MAGI3: variants seen among roughly 807,000 people sequenced by gnomAD.
MAGI3 encodes membrane associated guanylate kinase, WW and PDZ domain containing 3, also known as membrane-associated guanylate kinase, WW and PDZ domain-containing protein 3.
A neutral mutation model predicts 121.8 loss-of-function variants in MAGI3; 43 were observed. The ratio of observed to expected loss-of-function variants is 0.35; its 90% CI spans 0.28 to 0.46. The LOEUF (loss-of-function observed/expected upper bound fraction) is 0.46. Ranked by LOEUF, MAGI3 falls within the 20% of genes least tolerant of loss-of-function variation. The probability of loss-of-function intolerance (pLI) is 1.00; values close to 1 mark genes in which losing one functional copy is unlikely to be tolerated. For synonymous variants in MAGI3, 553 were observed against 639.3 expected (o/e 0.86, Z 2.04); for missense variants, 1,547 against 1,797.3 (o/e 0.86, Z 2.52).
chr1:113,529,048 T>C lies in MAGI3; in HGVS notation c.317-20467T>C, dbSNP rs369728772. ...ATTTAGTTTTATTCTCTTGAATTTA[T>C]AAAACTTTTGTTGGTTCAGAAGTCA... On this transcript the variant is annotated intron_variant, in intron 1 of 20. Coordinates refer to ENST00000307546, the MANE Select transcript of MAGI3 (RefSeq NM_001142782.2). 4.6e-5 allele frequency among the ~76,000 whole-genome samples: 7 copies of C among 152,360 alleles called. No individual in the cohort carries two copies. In the East Asian group the frequency reaches 1.4e-3, roughly 29 times the overall value.
intron 15 of MAGI3, among the ~76,000 whole-genome samples, chr1:113,657,936 A>G (rs528912598): frequency 2.0e-5 from 3 of 152,218 alleles, no homozygotes; most frequent in Non-Finnish European, 4.4e-5. Flanking sequence ...CATCATCAAG[A>G]ATAACTTTTC....
chr1:113,482,524 G>A (rs1656160350), intron 1 of MAGI3, among the ~76,000 whole-genome samples: 1 of 151,464 alleles, frequency 6.6e-6, no homozygotes, highest in South Asian at 2.1e-4. Context: ...TTTCATAGAG[G>A]CGAGGTCTCA....
chr1:113,416,988 C>T (rs191013061), intron 1 of MAGI3, among the ~76,000 whole-genome samples: 39 of 152,108 alleles, frequency 2.6e-4, no homozygotes, highest in African/African-American at 9.2e-4. Flanking sequence ...TCACCTTTGA[C>T]TAATTGTCAT....
In MAGI3 at chr1:113,422,819, C is replaced by A. The variant is rs1430978127; in HGVS notation, c.316+31470C>A. Among the ~76,000 whole-genome samples, 1 of 152,212 alleles carries A rather than the reference C, an allele frequency of 6.6e-6. No homozygotes were observed. The highest frequency in any genetic ancestry group is 2.4e-5 in the African/African-American group (1 of 41,450). On this transcript the variant is annotated intron_variant, in intron 1 of 20. Coordinates refer to ENST00000307546, the MANE Select transcript of MAGI3 (RefSeq NM_001142782.2). The surrounding 1 kb of genome is among the most constrained non-coding windows in gnomAD (Gnocchi z 4.3). ...CCAATTGTGTTATAGCTCTTTCAGTCTCACTACCCAGCTCTGGCTTGCAGC... is the reference window on the plus strand; with the variant it reads ...CCAATTGTGTTATAGCTCTTTCAGTATCACTACCCAGCTCTGGCTTGCAGC...
intron 1 of MAGI3, among the ~76,000 whole-genome samples, chr1:113,454,669 C>G (rs1232235705): frequency 6.6e-6 from 1 of 152,026 alleles, no homozygotes; most frequent in Non-Finnish European, 1.5e-5. Flanking sequence ...CGACAGGCCC[C>G]GGTGTATGAT....
intron 1 of MAGI3, among the ~76,000 whole-genome samples, chr1:113,418,631 G>C (rs1484977743): frequency 6.6e-6 from 1 of 151,968 alleles, no homozygotes; most frequent in Non-Finnish European, 1.5e-5. Context: ...TCTTACACAA[G>C]ATGGAAAGCA....
intron 1 of MAGI3, among the ~76,000 whole-genome samples, chr1:113,466,614 C>T (rs2101530097): frequency 6.6e-6 from 1 of 152,134 alleles, no homozygotes; most frequent in African/African-American, 2.4e-5. Flanking sequence ...CCACACTTTT[C>T]TTTGATGGGA....
Position 113,472,761 on chromosome 1 carries a change from T to C in MAGI3, c.317-76754T>C, listed in dbSNP as rs553412498. 6.6e-5 allele frequency among the ~76,000 whole-genome samples: 10 copies of C among 151,568 alleles called. No homozygotes were observed. In the South Asian group the frequency reaches 1.0e-3, roughly 16 times the overall value. ...GTGTGTGTGTGTGTGTGTGTGTGTATTTACCATGAGGCTTACTGAATACAT... is the reference window on the plus strand; with the variant it reads ...GTGTGTGTGTGTGTGTGTGTGTGTACTTACCATGAGGCTTACTGAATACAT... On this transcript the variant is annotated intron_variant, in intron 1 of 20. Transcript: ENST00000307546.
chr1:113,419,837 G>T (rs769548403), intron 1 of MAGI3, among the ~76,000 whole-genome samples: 5 of 152,138 alleles, frequency 3.3e-5, no homozygotes, highest in African/African-American at 1.2e-4. Context: ...CGCTAGGGAA[G>T]AATCCATTTT....
chr1:113,600,018 A>G (rs968847458), intron 6 of MAGI3, among the ~76,000 whole-genome samples: 1 of 152,260 alleles, frequency 6.6e-6, no homozygotes, highest in African/African-American at 2.4e-5. Flanking sequence ...AAAAAATTCA[A>G]CAGCCCTTCA....
At chr1:113,673,860 T>C (rs1037549414) in intron 19 of MAGI3, among the ~76,000 whole-genome samples, 1 of 152,078 alleles carries the variant, frequency 6.6e-6, no homozygotes, top group Non-Finnish European at 1.5e-5. Context: ...AGGCCCAGGA[T>C]TTTTTTTCCC....
intron 1 of MAGI3, among the ~76,000 whole-genome samples, chr1:113,511,088 A>G (rs1657593330): frequency 1.3e-5 from 2 of 152,200 alleles, no homozygotes; most frequent in Admixed American, 6.5e-5. Context: ...GTGGTAGGTG[A>G]CATGCCTTTA....
Position 113,514,073 on chromosome 1 carries a change from AG to A in MAGI3, c.317-35441del, listed in dbSNP as rs1286096097. On this transcript the variant is annotated intron_variant, in intron 1 of 20. Coordinates refer to ENST00000307546, the MANE Select transcript of MAGI3 (RefSeq NM_001142782.2). The stretch of plus-strand genomic sequence containing the variant: ...AGAAATGCAAATCAAAACCACAATG[AG>A]ATACCATCTCACACCAGTTAGAATG... 5.9e-5 allele frequency among the ~76,000 whole-genome samples: 9 copies of A among 152,234 alleles called. No individual in the cohort carries two copies. In the South Asian group the frequency reaches 1.7e-3, roughly 28 times the overall value.
chr1:113,472,666 GTGTGTGTGTGTGTA>G lies in MAGI3; in HGVS notation c.317-76833_317-76820del, dbSNP rs978520629. ...GTTATTGTGTATCTACTACAGGTGT[GTGTGTGTGTGTGTA>G]TGTGTGTGTGTGTATTTACCATGAG... On this transcript the variant is annotated intron_variant, in intron 1 of 20. Coordinates refer to ENST00000307546, the MANE Select transcript of MAGI3 (RefSeq NM_001142782.2). Among the ~76,000 whole-genome samples, 56 of 150,936 alleles carry G rather than the reference GTGTGTGTGTGTGTA, an allele frequency of 3.7e-4. 1 individual carries two copies. Among genetic ancestry groups the G allele is most frequent in the Admixed American group, 3.2e-3 (48 of 15,144 alleles).
At chr1:113,430,589 T>C (rs577574771) in intron 1 of MAGI3, among the ~76,000 whole-genome samples, 80 of 152,364 alleles carry the variant, frequency 5.3e-4, no homozygotes, top group Non-Finnish European at 9.6e-4. Flanking sequence ...TGAGTTGTTC[T>C]GATTTAAATA....
chr1:113,443,121 AATT>A (rs1022055570), intron 1 of MAGI3, among the ~76,000 whole-genome samples: 1 of 152,184 alleles, frequency 6.6e-6, no homozygotes, highest in African/African-American at 2.4e-5. Context: ...AATTAAAACG[AATT>A]ATTCTGTTAG....
At chr1:113,593,080 G>T (rs1023489554) in intron 5 of MAGI3, among the ~76,000 whole-genome samples, 5 of 152,096 alleles carry the variant, frequency 3.3e-5, no homozygotes, top group African/African-American at 4.8e-5. Context: ...CCTGGCAGTG[G>T]CTGCAGAGCT....
chr1:113,457,078 G>A (rs1654796602), intron 1 of MAGI3, among the ~76,000 whole-genome samples: 1 of 152,156 alleles, frequency 6.6e-6, no homozygotes, highest in Non-Finnish European at 1.5e-5. Flanking sequence ...TTCATGCAAA[G>A]GCTTTCCAAG....
At chr1:113,394,902 AG>A (rs1298162549) in intron 1 of MAGI3, among the ~76,000 whole-genome samples, 1 of 152,116 alleles carries the variant, frequency 6.6e-6, no homozygotes, top group African/African-American at 2.4e-5. Flanking sequence ...GGTAGGTAAA[AG>A]TCTTCACTGC....
Sources: allele counts gnomAD v4.1 joint callset (sites outside exome capture counted in the v4.1 genomes callset), GRCh38; gene constraint gnomAD v4.1.1; non-coding constraint Gnocchi (gnomAD v3.1); transcripts MANE v1.5; gene names NCBI Gene and HGNC (gene_info 2026-07-23, HGNC 2026-07-21).